Variants in ST8SIA4 observed in about 807,000 individuals in gnomAD.
ST8SIA4 encodes the protein ST8 alpha-N-acetyl-neuraminide alpha-2,8-sialyltransferase 4.
In ST8SIA4, 15 loss-of-function variants were observed where a neutral mutation model predicts 33.9. That is an observed-to-expected ratio of 0.44 (90% confidence interval 0.30 to 0.68). The LOEUF (loss-of-function observed/expected upper bound fraction) is 0.68. Ranked by LOEUF, ST8SIA4 falls within the 30% of genes least tolerant of loss-of-function variation. The pLI is 0.10. For missense variants in ST8SIA4, 321 were observed against 428.0 expected, an observed-to-expected ratio of 0.75 and a Z score of 2.21; for synonymous variants, 171 against 151.2, an observed-to-expected ratio of 1.13 and a Z score of -0.96.
intron 3 of ST8SIA4, among the ~76,000 whole-genome samples, chr5:100,874,953 C>A (rs941994472): frequency 6.6e-6 from 1 of 152,046 alleles, no homozygotes; most frequent in Admixed American, 6.6e-5. Context: ...ATCAAACAAT[C>A]CAAGTGCAAA....
chr5:100,839,462 A>G (rs563886834), intron 4 of ST8SIA4, among the ~76,000 whole-genome samples: 4 of 152,112 alleles, frequency 2.6e-5, no homozygotes, highest in African/African-American at 9.6e-5. Flanking sequence ...TTGAAAAAAT[A>G]ACCATTGAAA....
At chr5:100,861,008 A>G (rs907451499) in intron 3 of ST8SIA4, among the ~76,000 whole-genome samples, 2 of 152,196 alleles carry the variant, frequency 1.3e-5, no homozygotes, top group African/African-American at 4.8e-5. Context: ...TTTCAAAATG[A>G]TACTAGAAAG....
At chr5:100,837,282 T>C (rs1235712907) in intron 4 of ST8SIA4, among the ~76,000 whole-genome samples, 1 of 152,062 alleles carries the variant, frequency 6.6e-6, no homozygotes, top group Non-Finnish European at 1.5e-5. Context: ...TGATATTTGA[T>C]TGGTGTAATA....
chr5:100,850,310 T>C (rs1041740655), intron 4 of ST8SIA4, among the ~76,000 whole-genome samples: 1 of 152,086 alleles, frequency 6.6e-6, no homozygotes, highest in African/African-American at 2.4e-5. Context: ...TTTATCTTGA[T>C]TAATACAAAG....
rs568336143 is a variant in ST8SIA4 at position 100,849,009 on chromosome 5, T to C, written c.797+7094A>G. 1.1e-5 allele frequency: 7 copies of C among 613,428 alleles called. No homozygotes were observed. The South Asian group carries it at 5.1e-4, about 45-fold the overall frequency. 38.0% of individuals were successfully genotyped at this position (613,428 alleles called of 1,614,324 possible). A position where few individuals can be genotyped will look rare whatever the true frequency, so the allele number is the denominator to read the frequency against. ...ATGTTGGGTTAACTTAACTGTGGTG[T>C]TGAAACATGTAAAGAATAAATATCA... On this transcript the variant is annotated intron_variant, in intron 4 of 4. Transcript: ENST00000231461.
intron 3 of ST8SIA4, among the ~76,000 whole-genome samples, chr5:100,874,612 T>C (rs1752266792): frequency 6.6e-6 from 1 of 151,704 alleles, no homozygotes; most frequent in Non-Finnish European, 1.5e-5. Context: ...TTGCTCTTGT[T>C]CTTGCTCTTT....
intron 3 of ST8SIA4, among the ~76,000 whole-genome samples, chr5:100,862,388 ATTTATTTC>A (rs879358473): frequency 7.9e-5 from 12 of 151,976 alleles, no homozygotes; most frequent in Non-Finnish European, 1.5e-4. Context: ...TTTTTAAAAT[ATTTATTTC>A]TTTATTTCTT....
At chr5:100,856,032 G>T in intron 4 of ST8SIA4, 71 bp downstream of exon 4, 4 of 1,362,428 alleles carry the variant, frequency 2.9e-6, no homozygotes, top group Non-Finnish European at 4.1e-6. Flanking sequence ...GCTTATTCTT[G>T]TCTAGTGAAA....
intron 4 of ST8SIA4, among the ~76,000 whole-genome samples, chr5:100,850,954 C>CTTTTTT (rs70987828): frequency 6.7e-5 from 5 of 75,108 alleles, no homozygotes; most frequent in African/African-American, 2.0e-4. Flanking sequence ...TGTAACCATA[C>CTTTTTT]TTTTTTTTTT....
At chr5:100,900,037 G>C (rs1292979830) in intron 1 of ST8SIA4, among the ~76,000 whole-genome samples, 1 of 152,178 alleles carries the variant, frequency 6.6e-6, no homozygotes, top group African/African-American at 2.4e-5. Flanking sequence ...TTGGTGAGAA[G>C]GTTGTGCTGG....
At chr5:100,854,736 A>G (rs1751778468) in intron 4 of ST8SIA4, among the ~76,000 whole-genome samples, 1 of 152,176 alleles carries the variant, frequency 6.6e-6, no homozygotes, top group Non-Finnish European at 1.5e-5. Context: ...AAACAAAAAT[A>G]CCTTAGCCCA....
chr5:100,882,925 G>A (rs1201168938), intron 3 of ST8SIA4, among the ~76,000 whole-genome samples: 2 of 152,228 alleles, frequency 1.3e-5, no homozygotes, highest in Non-Finnish European at 2.9e-5. Flanking sequence ...CTGCAGGGGC[G>A]GGGTGCTCAC....
chr5:100,827,729 C>T (rs1196394355), intron 4 of ST8SIA4, among the ~76,000 whole-genome samples: 1 of 152,158 alleles, frequency 6.6e-6, no homozygotes, highest in Non-Finnish European at 1.5e-5. Context: ...CACTCCCTGG[C>T]TTCAGAGACA....
chr5:100,857,392 A>T (rs10057996), intron 3 of ST8SIA4, among the ~76,000 whole-genome samples: 46,910 of 150,712 alleles, frequency 0.31, 7,375 homozygotes, highest in Middle Eastern at 0.34. Flanking sequence ...TTTTTTTTTT[A>T]AAAAAACTAT....
intron 3 of ST8SIA4, among the ~76,000 whole-genome samples, chr5:100,867,499 G>A (rs1752093046): frequency 6.6e-6 from 1 of 151,968 alleles, no homozygotes; most frequent in South Asian, 2.1e-4. Flanking sequence ...AATCACCCAT[G>A]ATAGAAAACT....
At chr5:100,829,432 A>G (rs1001704980) in intron 4 of ST8SIA4, among the ~76,000 whole-genome samples, 1 of 152,140 alleles carries the variant, frequency 6.6e-6, no homozygotes, top group Non-Finnish European at 1.5e-5. Flanking sequence ...AAATCTTTTC[A>G]TTTACTTGAA....
chr5:100,848,606 C>T (rs1374148795), intron 4 of ST8SIA4, among the ~76,000 whole-genome samples: 4 of 149,448 alleles, frequency 2.7e-5, no homozygotes, highest in African/African-American at 2.4e-5. Context: ...GAAAGTATAT[C>T]GCGAGTATAG....
At chr5:100,834,432 C>T (rs1751323667) in intron 4 of ST8SIA4, among the ~76,000 whole-genome samples, 1 of 152,040 alleles carries the variant, frequency 6.6e-6, no homozygotes, top group Non-Finnish European at 1.5e-5. Context: ...AATGTAATTG[C>T]TAAAAAGGTA....
intron 4 of ST8SIA4, among the ~76,000 whole-genome samples, chr5:100,842,758 T>C (rs2112425401): frequency 6.6e-6 from 1 of 151,952 alleles, no homozygotes; most frequent in Admixed American, 6.6e-5. Flanking sequence ...CTGCAAGTAA[T>C]GATTTTACTT....
Sources: gnomAD v4.1 joint callset for allele counts (sites outside exome capture counted in the v4.1 genomes callset) on GRCh38, gnomAD v4.1.1 for gene constraint, MANE v1.5 for transcripts, NCBI Gene and HGNC (gene_info 2026-07-23, HGNC 2026-07-21) for gene names.